The following UNC45A variants were observed in gnomAD, a reference collection of about 807,000 sequenced individuals.
UNC45A encodes the protein protein unc-45 homolog A.
In UNC45A, 78 loss-of-function variants were observed where a neutral mutation model predicts 103.2. The ratio of observed to expected loss-of-function variants is 0.76; its 90% CI spans 0.63 to 0.91. UNC45A has a LOEUF of 0.91. UNC45A is among the 40% of genes least tolerant of loss of function. The pLI is 0.00. For missense variants in UNC45A, 1,193 were observed against 1,224.8 expected (o/e 0.97, Z 0.39); for synonymous variants, 495 against 504.6 (o/e 0.98, Z 0.25).
intron 16 of UNC45A, 77 bp from the exon 17 acceptor site, chr15:90,950,423 G>A (rs1392865917): frequency 9.9e-6 from 15 of 1,520,250 alleles, no homozygotes; most frequent in Non-Finnish European, 1.3e-5. Context: ...TCTTGGGGGT[G>A]GGCTTCTCCC....
chr15:90,940,418 T>A lies in UNC45A; in HGVS notation c.632T>A (p.Leu211His). 4 of 1,614,120 alleles carry A rather than the reference T, an allele frequency of 2.5e-6. No homozygotes were observed. In the South Asian group the frequency reaches 4.4e-5, roughly 18 times the overall value. The stretch of plus-strand genomic sequence containing the variant: ...TTACTGGACATGGGAGAGACTGACC[T>A]CATGCTGGCGGCTCTGCGTACGCTG... ...QRLLDMGETDLMLAALRTLVG... is the reference protein window; with the variant it reads ...QRLLDMGETDHMLAALRTLVG... The change falls in exon 6 of 20, where the codon CTC becomes CAC. Residue 211 changes from leucine to histidine, a missense_variant. Physicochemically the swap from Leu to His is moderately conservative, Grantham distance 99. Transcript: ENST00000418476.
At chr15:90,939,911 C>A in intron 5 of UNC45A, 88 bp downstream of exon 5, 1 of 1,243,970 alleles carries the variant, frequency 8.0e-7, no homozygotes, top group Non-Finnish European at 1.1e-6. Flanking sequence ...CTTGCTCTGC[C>A]GCTCCTCCAA....
upstream of UNC45A, chr15:90,934,750 T>A (rs760977147): frequency 6.0e-5 from 24 of 399,232 alleles, no homozygotes; most frequent in Admixed American, 1.3e-4. Flanking sequence ...TGGGGAGCCA[T>A]CCTGAATCTG....
At chr15:90,931,292 G>T (rs1350259627), upstream of UNC45A, 13 of 1,550,840 alleles carry the variant, frequency 8.4e-6, no homozygotes, top group South Asian at 1.4e-4. Flanking sequence ...GTCAGCCCCC[G>T]CTGCTTGAAC....
At chr15:90,935,492 C>A in intron 1 of UNC45A, 52 bp from the exon 2 acceptor site, 1 of 1,573,178 alleles carries the variant, frequency 6.4e-7, no homozygotes, top group Non-Finnish European at 8.6e-7. Flanking sequence ...CCTTAGCTCC[C>A]GGGCTCTGCC....
chr15:90,938,168 G>C (rs1473251064), intron 4 of UNC45A, among the ~76,000 whole-genome samples: 3 of 152,142 alleles, frequency 2.0e-5, no homozygotes, highest in South Asian at 2.1e-4. Flanking sequence ...TGATAACACG[G>C]TGACCCCTGG....
At chr15:90,947,435 G>A (rs2036631871) in intron 10 of UNC45A, 2 of 296,932 alleles carry the variant, frequency 6.7e-6, no homozygotes, top group Admixed American at 4.4e-5. Context: ...GGATTTGGCT[G>A]TGGCTGAAGC....
In UNC45A at chr15:90,947,153, C is replaced by A. The variant is rs141649571; in HGVS notation, c.1500+239C>A. On this transcript the variant is annotated intron_variant, in intron 10 of 19. Transcript: ENST00000418476. ...GTGGTGAGTCACGCATGTCACTGCA[C>A]TCCTGCCTGGGCAACACAGCAAGAC... 2.3e-3 allele frequency: 1,255 copies of A among 542,194 alleles called. 3 individuals carry two copies. Among genetic ancestry groups the A allele is most frequent in the Non-Finnish European group, 3.2e-3 (981 of 302,274 alleles). 33.6% of individuals were successfully genotyped at this position (542,194 alleles called of 1,614,324 possible). A position where few individuals can be genotyped will look rare whatever the true frequency, so the allele number is the denominator to read the frequency against.
chr15:90,953,989 G>C lies in UNC45A; in HGVS notation c.*273G>C. On this transcript the variant is annotated 3_prime_UTR_variant, in exon 20 of 20. Transcript: ENST00000418476. ...AATGGGGAAGGTGCATCCCAACACA[G>C]CCTGTGGATCCTGGGGCATCTGGAA... 6.1e-6 allele frequency: 3 copies of C among 494,400 alleles called. 1 individual carries two copies. The highest frequency in any genetic ancestry group is 7.4e-6 in the Non-Finnish European group (2 of 271,470). The allele number at this position is 494,400 out of a possible 1,614,324, so 30.6% of individuals were successfully genotyped here. A position where few individuals can be genotyped will look rare whatever the true frequency, so the allele number is the denominator to read the frequency against.
intron 6 of UNC45A, 76 bp from the exon 7 acceptor site, chr15:90,942,361 T>C: frequency 6.6e-7 from 1 of 1,514,372 alleles, no homozygotes; most frequent in Non-Finnish European, 8.9e-7. Context: ...CCGTATCCTC[T>C]AACTCACAGT....
intron 17 of UNC45A, 191 bp from the exon 18 acceptor site, chr15:90,952,738 C>G (rs945454556): frequency 1.7e-6 from 1 of 599,000 alleles, no homozygotes; most frequent in African/African-American, 1.9e-5. Context: ...ATGCCACGCA[C>G]TTTTAAATAA....
At chr15:90,935,227 G>T (rs1356232517), upstream of UNC45A, 54 of 1,259,216 alleles carry the variant, frequency 4.3e-5, no homozygotes, top group Non-Finnish European at 5.6e-5. Context: ...CACCTCCGAC[G>T]CAAGAGTGGG....
chr15:90,932,741 C>T (rs78701938), upstream of UNC45A: 6,804 of 396,694 alleles, frequency 0.017, 439 homozygotes, highest in African/African-American at 0.13. Flanking sequence ...ATCGCAGCCC[C>T]CAGCTCAGTG....
chr15:90,931,431 C>A (rs762332074), upstream of UNC45A: 8 of 1,607,956 alleles, frequency 5.0e-6, no homozygotes, highest in Non-Finnish European at 6.8e-6. Flanking sequence ...CAGAAACTTG[C>A]TAGCGTGATG....
chr15:90,935,868 C>A (rs904020643), intron 2 of UNC45A, 78 bp from the exon 3 acceptor site: 2 of 1,603,642 alleles, frequency 1.2e-6, no homozygotes, highest in Non-Finnish European at 8.5e-7. Context: ...CCTTGGAGAG[C>A]GAGAGTACCC....
At chr15:90,932,471 G>T, upstream of UNC45A, 1 of 1,324,166 alleles carries the variant, frequency 7.6e-7, no homozygotes, top group Non-Finnish European at 9.6e-7. Flanking sequence ...GGGTCCTTCC[G>T]CCGCTGCTGC....
chr15:90,935,040 G>A (rs941637044), upstream of UNC45A: 8 of 564,638 alleles, frequency 1.4e-5, no homozygotes, highest in African/African-American at 1.6e-4. Flanking sequence ...GTCGGGGCCG[G>A]AGTCTGGGCT....
rs746433029 is a variant in UNC45A at position 90,935,982 on chromosome 15, G to A, written c.250G>A (p.Ala84Thr). Reference sequence around the variant, plus strand: ...CAAAGCAGAAACAGAGGCATCCAAAGGTAGGGGAATGGTGGGCCCTGGTGT... The same window carrying A: ...CAAAGCAGAAACAGAGGCATCCAAAAGTAGGGGAATGGTGGGCCCTGGTGT... ...YDKAETEASK[A>T]IEKDGGDVKA... The change falls in exon 3 of 20, where the codon GCC (alanine) becomes ACC (threonine). Residue 84 changes from alanine to threonine, a missense_variant and splice_region_variant. Transcript: ENST00000418476. 6 of 1,614,054 alleles carry A rather than the reference G, an allele frequency of 3.7e-6. No individual in the cohort carries two copies. The highest frequency in any genetic ancestry group is 8.5e-7 in the Non-Finnish European group (1 of 1,180,012).
upstream of UNC45A, chr15:90,931,336 G>C: frequency 6.4e-7 from 1 of 1,552,060 alleles, no homozygotes; most frequent in Middle Eastern, 1.7e-4. Context: ...TTGCCGGTTT[G>C]TTCCCTGAAG....
Sources: allele counts gnomAD v4.1 joint callset (sites outside exome capture counted in the v4.1 genomes callset), GRCh38; gene constraint gnomAD v4.1.1; transcripts MANE v1.5; gene names NCBI Gene and HGNC (gene_info 2026-07-23, HGNC 2026-07-21).